PRELID2: variants seen among roughly 807,000 people sequenced by gnomAD.
PRELID2 encodes PRELI domain-containing protein 2.
Under a neutral mutation model 28.4 loss-of-function variants are expected in PRELID2, and 25 were observed. That is an observed-to-expected ratio of 0.88 (90% CI 0.64 to 1.23). The LOEUF is 1.23. Ranked by LOEUF, PRELID2 falls within the 50% of genes most tolerant of loss-of-function variation. The pLI is 0.00. For missense variants in PRELID2, 201 were observed against 214.4 expected (o/e 0.94, Z 0.39); for synonymous variants, 76 against 71.6 (o/e 1.06, Z -0.31).
At chr5:145,499,168 A>G (rs1190826531) in intron 1 of PRELID2, among the ~76,000 whole-genome samples, 1 of 152,132 alleles carries the variant, frequency 6.6e-6, no homozygotes, top group Non-Finnish European at 1.5e-5. Context: ...GGATCTCTTG[A>G]GCCCAGGAGG....
At chr5:145,328,537 A>G in the PRELID2 span, among the ~76,000 whole-genome samples, 1 of 152,140 alleles carries the variant, frequency 6.6e-6, no homozygotes, top group Admixed American at 6.5e-5. Context: ...ATGACCAGTG[A>G]TGATGAGCTT....
the PRELID2 span, among the ~76,000 whole-genome samples, chr5:145,326,254 C>A: frequency 6.6e-6 from 1 of 152,128 alleles, no homozygotes; most frequent in East Asian, 1.9e-4. Flanking sequence ...GATGTTCACA[C>A]CTCAGCTTCC....
At chr5:145,656,418 T>C (rs1442638708) in intron 1 of PRELID2, among the ~76,000 whole-genome samples, 1 of 152,076 alleles carries the variant, frequency 6.6e-6, no homozygotes, top group Non-Finnish European at 1.5e-5. Context: ...TCCCAAAGGA[T>C]TATAAATCAT....
chr5:145,687,308 G>A (rs2149693136), intron 1 of PRELID2, among the ~76,000 whole-genome samples: 1 of 152,284 alleles, frequency 6.6e-6, no homozygotes, highest in African/African-American at 2.4e-5. Context: ...TCTTAGCTCT[G>A]CCATTTGCTT....
intron 1 of PRELID2, among the ~76,000 whole-genome samples, chr5:145,675,204 A>G (rs1754790030): frequency 6.6e-6 from 1 of 152,136 alleles, no homozygotes; most frequent in South Asian, 2.1e-4. Flanking sequence ...GAAAGAATAA[A>G]TCGATTAATT....
the PRELID2 span, among the ~76,000 whole-genome samples, chr5:145,289,085 T>G: frequency 6.6e-6 from 1 of 152,132 alleles, no homozygotes; most frequent in Non-Finnish European, 1.5e-5. Context: ...GTAATACAGT[T>G]AGATTCCTTT....
chr5:145,257,499 T>A, the PRELID2 span, among the ~76,000 whole-genome samples: 1 of 152,050 alleles, frequency 6.6e-6, no homozygotes, highest in Non-Finnish European at 1.5e-5. Flanking sequence ...AGAATCCACA[T>A]ATAAACAAAT....
intron 1 of PRELID2, among the ~76,000 whole-genome samples, chr5:145,701,658 A>G (rs925699540): frequency 2.6e-5 from 4 of 152,242 alleles, no homozygotes; most frequent in Non-Finnish European, 4.4e-5. Flanking sequence ...CTAAAAATCA[A>G]TAAATGACCT....
At chr5:145,575,991 C>T (rs10064838) in intron 1 of PRELID2, among the ~76,000 whole-genome samples, 18,456 of 152,094 alleles carry the variant, frequency 0.12, 3,118 homozygotes, top group African/African-American at 0.38. Flanking sequence ...TATTCCTGCC[C>T]ATCTTGAAAA....
the PRELID2 span, among the ~76,000 whole-genome samples, chr5:145,464,360 T>C: frequency 2.0e-5 from 3 of 152,200 alleles, no homozygotes; most frequent in Non-Finnish European, 4.4e-5. Flanking sequence ...AATTTTGTTA[T>C]GACAATAGAA....
At chr5:145,276,562 C>T in the PRELID2 span, among the ~76,000 whole-genome samples, 1 of 152,066 alleles carries the variant, frequency 6.6e-6, no homozygotes, top group South Asian at 2.1e-4. Flanking sequence ...ATCTCCTCCC[C>T]CTCTGCCAGA....
the PRELID2 span, among the ~76,000 whole-genome samples, chr5:145,387,029 A>AT: frequency 1.3e-5 from 2 of 152,144 alleles, no homozygotes; most frequent in Non-Finnish European, 2.9e-5. Context: ...ATTATGTATG[A>AT]TTTTCCAAAA....
At chr5:145,244,246 C>T in the PRELID2 span, among the ~76,000 whole-genome samples, 4 of 151,990 alleles carry the variant, frequency 2.6e-5, no homozygotes, top group South Asian at 2.1e-4. Flanking sequence ...TGAGCCACCA[C>T]GGCTGGCCCC....
At chr5:145,743,015 A>T (rs1186427933) in intron 1 of PRELID2, among the ~76,000 whole-genome samples, 1 of 152,146 alleles carries the variant, frequency 6.6e-6, no homozygotes, top group Non-Finnish European at 1.5e-5. Context: ...AACTTATCCA[A>T]TATGAAATAG....
At chr5:145,561,446 A>G (rs1042967422) in intron 1 of PRELID2, among the ~76,000 whole-genome samples, 25 of 152,156 alleles carry the variant, frequency 1.6e-4, no homozygotes, top group African/African-American at 6.0e-4. Flanking sequence ...TTCTAGATAC[A>G]CCAGTGAAAA....
the PRELID2 span, among the ~76,000 whole-genome samples, chr5:145,317,175 AG>A: frequency 6.6e-6 from 1 of 152,176 alleles, no homozygotes; most frequent in Non-Finnish European, 1.5e-5. Flanking sequence ...GGTGCTTTCA[AG>A]CACATCACCA....
intron 1 of PRELID2, among the ~76,000 whole-genome samples, chr5:145,563,692 T>C (rs1752942501): frequency 6.6e-6 from 1 of 152,178 alleles, no homozygotes; most frequent in Non-Finnish European, 1.5e-5. Flanking sequence ...AGAAAAATAC[T>C]GCATGATCTC....
chr5:145,281,307 C>T, the PRELID2 span, among the ~76,000 whole-genome samples: 1 of 152,152 alleles, frequency 6.6e-6, no homozygotes, highest in African/African-American at 2.4e-5. Flanking sequence ...GAAGCCCAGT[C>T]TCCCATTCCA....
At chr5:145,435,085 A>G in the PRELID2 span, among the ~76,000 whole-genome samples, 4 of 152,348 alleles carry the variant, frequency 2.6e-5, no homozygotes, top group Non-Finnish European at 2.9e-5. Context: ...CTGCTGTAGC[A>G]GCTGGGAACA....
Sources: gnomAD v4.1 joint callset for allele counts (sites outside exome capture counted in the v4.1 genomes callset) on GRCh38, gnomAD v4.1.1 for gene constraint, MANE v1.5 for transcripts, NCBI Gene and HGNC (gene_info 2026-07-23, HGNC 2026-07-21) for gene names.